The following ADAMTS2 variants were observed in gnomAD, a reference collection of about 807,000 sequenced individuals.
The protein encoded by ADAMTS2 is A disintegrin and metalloproteinase with thrombospondin motifs 2.
Under a neutral mutation model 123.0 loss-of-function variants are expected in ADAMTS2, and 50 were observed. The observed-to-expected ratio is 0.41, with a 90% confidence interval of 0.32 to 0.51. The LOEUF is 0.51. ADAMTS2 is among the 20% of genes least tolerant of loss of function. The pLI, the probability that ADAMTS2 is intolerant of heterozygous loss-of-function variation, is 0.35. For missense variants in ADAMTS2, 1,494 were observed against 1,705.2 expected, an observed-to-expected ratio of 0.88 and a Z score of 2.18; for synonymous variants, 678 against 695.4, an observed-to-expected ratio of 0.98 and a Z score of 0.39.
intron 3 of ADAMTS2, among the ~76,000 whole-genome samples, chr5:179,257,154 A>C (rs997506249): frequency 6.6e-6 from 1 of 152,162 alleles, no homozygotes; most frequent in African/African-American, 2.4e-5. Context: ...CAGGCCTGTG[A>C]GTCCCCACAC....
At chr5:179,283,548 G>GAAAAAAAAAA (rs1561684356) in intron 2 of ADAMTS2, among the ~76,000 whole-genome samples, 1 of 4,234 alleles carries the variant, frequency 2.4e-4, no homozygotes, top group Non-Finnish European at 7.3e-4. Context: ...TAGAAAAACA[G>GAAAAAAAAAA]CAAAAAAAAA....
intron 2 of ADAMTS2, among the ~76,000 whole-genome samples, chr5:179,329,680 C>G (rs980926630): frequency 6.6e-6 from 1 of 151,976 alleles, no homozygotes; most frequent in Non-Finnish European, 1.5e-5. Context: ...CAGAGCTGAC[C>G]GAAGAAACAA....
At chr5:179,311,344 G>A (rs1293045809) in intron 2 of ADAMTS2, among the ~76,000 whole-genome samples, 1 of 152,192 alleles carries the variant, frequency 6.6e-6, no homozygotes, top group Non-Finnish European at 1.5e-5. Flanking sequence ...CCATGGGCAG[G>A]CGCCGCCTGG....
chr5:179,182,807 T>A (rs1764077823), intron 4 of ADAMTS2, among the ~76,000 whole-genome samples: 1 of 152,152 alleles, frequency 6.6e-6, no homozygotes, highest in African/African-American at 2.4e-5. Flanking sequence ...CTCCGGGCTG[T>A]AGGCGTCTGG....
rs35387372 is a variant in ADAMTS2, at chr5:179,256,542, G to GGA, written c.688+16367_688+16368dup. On this transcript the variant is annotated intron_variant, in intron 3 of 21. Coordinates refer to ENST00000251582, the MANE Select transcript of ADAMTS2 (RefSeq NM_014244.5). This position sits in a 1 kb window ranked among gnomAD's most constrained non-coding sequence, Gnocchi z 4.1. ...CCTGCGTGTGTGTGAGAGAGAGAGA[G>GGA]GAGAGAGAGACGGAGAGAGTTTATG... 0.038 allele frequency among the ~76,000 whole-genome samples: 5,670 copies of GGA among 151,034 alleles called. 142 individuals carry two copies. The highest frequency in any genetic ancestry group is 0.061 in the Non-Finnish European group (4,087 of 67,546).
At chr5:179,145,874 C>T (rs951466334) in intron 10 of ADAMTS2, among the ~76,000 whole-genome samples, 10 of 152,234 alleles carry the variant, frequency 6.6e-5, no homozygotes, top group South Asian at 4.2e-4. Flanking sequence ...ATTTTTGAGA[C>T]GAAGTTTCGC....
At position 179,137,884 on chromosome 5, in the gene ADAMTS2, G is replaced by A. The variant is rs1763093760; in HGVS notation, c.1836C>T (p.Arg612=). ...GLAYDFQLCS[R]QDCPDSLADF... ...CAGCCAGGGAGTCGGGGCAGTCCTG[G>A]CGGCTGCAGAGCTGGAAGTCGTAGG... is the stretch of plus-strand genomic sequence containing the variant. Residue 612 remains arginine (R), a synonymous_variant, in exon 12 of 22, where the codon CGC becomes CGT. Coordinates refer to ENST00000251582, the MANE Select transcript of ADAMTS2 (RefSeq NM_014244.5). 1 of 1,557,076 alleles carries A rather than the reference G, an allele frequency of 6.4e-7. No individual in the cohort carries two copies. Among genetic ancestry groups the A allele is most frequent in the African/African-American group, 1.4e-5 (1 of 73,340 alleles).
intron 3 of ADAMTS2, among the ~76,000 whole-genome samples, chr5:179,265,609 G>A (rs1331609957): frequency 6.6e-6 from 1 of 152,200 alleles, no homozygotes; most frequent in African/African-American, 2.4e-5. Flanking sequence ...CCAGGCCCGG[G>A]AGCTGGCCCC....
intron 2 of ADAMTS2, among the ~76,000 whole-genome samples, chr5:179,339,729 G>T (rs1236256602): frequency 6.6e-6 from 1 of 152,182 alleles, no homozygotes; most frequent in Admixed American, 6.5e-5. Context: ...CAGTGCCAAG[G>T]TGGGGTGGGA....
At chr5:179,277,808 C>T (rs1766763740) in intron 2 of ADAMTS2, among the ~76,000 whole-genome samples, 1 of 28,936 alleles carries the variant, frequency 3.5e-5, no homozygotes, top group African/African-American at 9.4e-5. Flanking sequence ...AGACCAAAGG[C>T]TGACCCCCCC....
At chr5:179,259,081 G>A (rs368913032) in intron 3 of ADAMTS2, among the ~76,000 whole-genome samples, 3 of 152,044 alleles carry the variant, frequency 2.0e-5, no homozygotes, top group African/African-American at 4.8e-5. Context: ...CTGCTGCATG[G>A]CACAGCCCCT....
intron 3 of ADAMTS2, among the ~76,000 whole-genome samples, chr5:179,237,358 G>A (rs1765554873): frequency 6.6e-6 from 1 of 152,228 alleles, no homozygotes; most frequent in Admixed American, 6.5e-5. Context: ...AGTGCAAGAA[G>A]GTGCCATGTG....
At chr5:179,320,467 C>A (rs460892) in intron 2 of ADAMTS2, among the ~76,000 whole-genome samples, 1 of 146,372 alleles carries the variant, frequency 6.8e-6, no homozygotes, top group Non-Finnish European at 1.5e-5. Context: ...ACCACTACGC[C>A]TGGCTAATTT....
chr5:179,147,664 T>C (rs1014504588), intron 10 of ADAMTS2, among the ~76,000 whole-genome samples: 1 of 152,118 alleles, frequency 6.6e-6, no homozygotes, highest in African/African-American at 2.4e-5. Context: ...AAGCTACTAT[T>C]ACACCTGGAC....
At chr5:179,284,200 G>A (rs1332413599) in intron 2 of ADAMTS2, among the ~76,000 whole-genome samples, 1 of 149,858 alleles carries the variant, frequency 6.7e-6, no homozygotes, top group Admixed American at 6.6e-5. Flanking sequence ...TTGGTGGTAC[G>A]CGCCTGTGGT....
At position 179,122,632 on chromosome 5, in the gene ADAMTS2, C is replaced by T. The variant is rs757846382; in HGVS notation, c.3088+12G>A. 3.0e-5 allele frequency: 46 copies of T among 1,549,512 alleles called. No individual in the cohort carries two copies. The highest frequency in any genetic ancestry group is 2.0e-5 in the Admixed American group (1 of 51,036). On this transcript the variant is annotated intron_variant, in intron 20 of 21. Coordinates refer to ENST00000251582, the MANE Select transcript of ADAMTS2 (RefSeq NM_014244.5). ...ATGCTGGGAGCAGGGGCAGGGGCTG[C>T]AGGTGGCTTACGGGGACAGGGGCCA...
rs139997634 is a variant in ADAMTS2 at position 179,305,790 on chromosome 5, A to T, written c.535-32726T>A. The stretch of plus-strand genomic sequence containing the variant: ...GAATTACCAGTATCAGAATATTTTT[A>T]AAAAGGATATCACTAATGACATCAC... On this transcript the variant is annotated intron_variant, in intron 2 of 21. Coordinates refer to ENST00000251582, the MANE Select transcript of ADAMTS2 (RefSeq NM_014244.5). Among the ~76,000 whole-genome samples the T allele has an allele frequency of 1.4e-3, 212 of 152,322 alleles. 1 individual carries two copies. The highest frequency in any genetic ancestry group is 5.0e-3 in the African/African-American group (208 of 41,586).
chr5:179,326,981 C>T (rs62395042), intron 2 of ADAMTS2, among the ~76,000 whole-genome samples: 85,081 of 151,910 alleles, frequency 0.56, 25,011 homozygotes, highest in South Asian at 0.76. Context: ...AGTGAATGCG[C>T]GTGAAGCCCG....
In ADAMTS2 at chr5:179,132,751, A is replaced by C. The variant is rs780371602; in HGVS notation, c.2209+26T>G. The C allele has an allele frequency of 4.3e-6, 7 of 1,613,894 alleles. No individual in the cohort carries two copies. The Admixed American group carries it at 1.0e-4, about 23-fold the overall frequency. On this transcript the variant is annotated intron_variant, in intron 14 of 21. Coordinates refer to ENST00000251582, the MANE Select transcript of ADAMTS2 (RefSeq NM_014244.5). The surrounding 1 kb of genome is among the most constrained non-coding windows in gnomAD (Gnocchi z 6.1). ...AGCCTGCTGCAGGCATCCAGGCTCC[A>C]GGGTGGAGAGCAGGGACCCACTCAC...
Sources: gnomAD v4.1 joint callset for allele counts (sites outside exome capture counted in the v4.1 genomes callset) on GRCh38, gnomAD v4.1.1 for gene constraint, Gnocchi (gnomAD v3.1) non-coding constraint, MANE v1.5 for transcripts, NCBI Gene and HGNC (gene_info 2026-07-23, HGNC 2026-07-21) for gene names.